Variants in NTRK2 observed in about 807,000 individuals in gnomAD.
The protein encoded by NTRK2 is neurotrophic receptor tyrosine kinase 2, also known as BDNF/NT-3 growth factors receptor.
Under a neutral mutation model 94.5 loss-of-function variants are expected in NTRK2, and 13 were observed. The ratio of observed to expected loss-of-function variants is 0.14; its 90% CI spans 0.09 to 0.22. The LOEUF is 0.22. Ranked by LOEUF, NTRK2 falls within the 10% of genes least tolerant of loss-of-function variation. NTRK2 has a pLI of 1.00. For synonymous variants in NTRK2, 372 were observed against 407.4 expected, an observed-to-expected ratio of 0.91 and a Z score of 1.05; for missense variants, 639 against 1,071.2, an observed-to-expected ratio of 0.60 and a Z score of 5.63.
Position 84,727,955 on chromosome 9 carries a change from C to T in NTRK2, c.1155C>T (p.Asp385=), listed in dbSNP as rs183322024. Residue 385 remains aspartate, a synonymous_variant, in exon 9 of 19, where the codon GAC becomes GAT. Transcript: ENST00000277120. ...SAHFMGWPGI[D]DGANPNYPDV... ...ACTTCATGGGCTGGCCTGGAATTGACGATGGTGAGTAACTGACACTTTTGT... is the reference window on the plus strand; with the variant it reads ...ACTTCATGGGCTGGCCTGGAATTGATGATGGTGAGTAACTGACACTTTTGT... The T allele has an allele frequency of 2.8e-5, 45 of 1,613,610 alleles. No individual in the cohort carries two copies. The highest frequency in any genetic ancestry group is 5.5e-5 in the South Asian group (5 of 91,054).
At position 84,816,652 on chromosome 9, in the gene NTRK2, G is replaced by A. The variant is rs553700746; in HGVS notation, c.1397-44388G>A. Among the ~76,000 whole-genome samples, 15 of 151,706 alleles carry A rather than the reference G, an allele frequency of 9.9e-5. No individual in the cohort carries two copies. The South Asian group carries it at 1.0e-3, about 11-fold the overall frequency. The stretch of plus-strand genomic sequence containing the variant: ...AAATTAGCTGGGCGTGGTGGCGGGC[G>A]CCTGTAATCTCACCTATTCAGGAGG... On this transcript the variant is annotated intron_variant, in intron 12 of 18. Transcript: ENST00000277120.
chr9:84,698,338 G>C (rs573914457), intron 2 of NTRK2, among the ~76,000 whole-genome samples: 1 of 151,742 alleles, frequency 6.6e-6, no homozygotes, highest in African/African-American at 2.4e-5. Context: ...TTCTCACTTC[G>C]CATAGCAGTG....
intron 12 of NTRK2, among the ~76,000 whole-genome samples, chr9:84,839,419 G>A (rs1380373161): frequency 6.6e-6 from 1 of 152,156 alleles, no homozygotes; most frequent in Admixed American, 6.5e-5. Context: ...ATGTGGACTG[G>A]ATAGAAATGA....
chr9:84,698,133 A>ATG (rs202149031), intron 2 of NTRK2, among the ~76,000 whole-genome samples: 2,758 of 150,014 alleles, frequency 0.018, 49 homozygotes, highest in East Asian at 0.053. Flanking sequence ...GTTTCTGTGT[A>ATG]TGTGTGTGTG....
chr9:84,772,318 G>A (rs1339710256), intron 12 of NTRK2, among the ~76,000 whole-genome samples: 6 of 152,198 alleles, frequency 3.9e-5, no homozygotes, highest in Admixed American at 3.3e-4. Context: ...GCAGTGGCAG[G>A]ATCCCAGCTG....
rs200998907 is a variant in NTRK2, at chr9:84,813,465, G to C, written c.1397-47575G>C. The C allele has an allele frequency of 1.2e-5, 13 of 1,064,572 alleles. No homozygotes were observed. The East Asian group carries it at 5.5e-4, about 45-fold the overall frequency. 65.9% of individuals were successfully genotyped at this position (1,064,572 alleles called of 1,614,324 possible). ...TAAAACATGATCATTGTTCTCTCAC[G>C]GTATCCTTCTGTCTTCCCGTTGCAA... On this transcript the variant is annotated intron_variant, in intron 12 of 18. Transcript: ENST00000277120.
intron 6 of NTRK2, among the ~76,000 whole-genome samples, chr9:84,713,635 T>G (rs1218246533): frequency 6.6e-6 from 1 of 152,168 alleles, no homozygotes; most frequent in African/African-American, 2.4e-5. Flanking sequence ...GGTGGGAAAT[T>G]GGCCTGTATT....
chr9:84,691,473 A>C (rs1193655065), intron 2 of NTRK2, among the ~76,000 whole-genome samples: 1 of 152,266 alleles, frequency 6.6e-6, no homozygotes, highest in East Asian at 1.9e-4. Context: ...CATGATTTGA[A>C]GTTGTCTCCT....
At chr9:84,800,241 C>T (rs904776172) in intron 12 of NTRK2, among the ~76,000 whole-genome samples, 10 of 150,984 alleles carry the variant, frequency 6.6e-5, no homozygotes, top group East Asian at 2.0e-4. Context: ...CTCGCTCTGT[C>T]GCCCAGGCTG....
chr9:84,782,697 A>G (rs2067714185), intron 12 of NTRK2, among the ~76,000 whole-genome samples: 1 of 152,170 alleles, frequency 6.6e-6, no homozygotes, highest in African/African-American at 2.4e-5. Flanking sequence ...CATATCACCA[A>G]GTGCCACATT....
chr9:84,955,664 G>A, intron 17 of NTRK2, 147 bp downstream of exon 17: 2 of 762,448 alleles, frequency 2.6e-6, no homozygotes, highest in South Asian at 2.9e-5. Context: ...CTGGAGGCTG[G>A]AAGTCCAAGC....
chr9:84,918,689 G>C (rs2077470095), intron 14 of NTRK2, among the ~76,000 whole-genome samples: 1 of 152,214 alleles, frequency 6.6e-6, no homozygotes, highest in Non-Finnish European at 1.5e-5. Context: ...GATTGAGAAA[G>C]CTATTTATGT....
At chr9:85,020,438 T>G (rs1832682908) in intron 18 of NTRK2, 74 bp downstream of exon 18, 2 of 1,545,372 alleles carry the variant, frequency 1.3e-6, no homozygotes, top group East Asian at 4.5e-5. Context: ...GGGCCTTGTT[T>G]TGGGTTGGAA....
Position 84,746,287 on chromosome 9 carries a change from C to T in NTRK2, c.1296+1214C>T, listed in dbSNP as rs115956645. Among the ~76,000 whole-genome samples the T allele has an allele frequency of 8.8e-3, 1,347 of 152,298 alleles. 27 individuals are homozygous for T. The highest frequency in any genetic ancestry group is 0.03 in the African/African-American group (1,255 of 41,556). ...GAACACAGTCACTTGTGTTCATTTA[C>T]GTACTGTCTGTGGCTGCTCTTGTGC... On this transcript the variant is annotated intron_variant, in intron 11 of 18. Coordinates refer to ENST00000277120, the MANE Select transcript of NTRK2 (RefSeq NM_006180.6).
At chr9:85,019,546 A>G (rs1263274679) in intron 17 of NTRK2, among the ~76,000 whole-genome samples, 5 of 152,220 alleles carry the variant, frequency 3.3e-5, no homozygotes, top group African/African-American at 4.8e-5. Context: ...TAAAATGGGC[A>G]TTTAAAAAAT....
intron 6 of NTRK2, among the ~76,000 whole-genome samples, chr9:84,711,712 G>A (rs2061428606): frequency 6.6e-6 from 1 of 152,164 alleles, no homozygotes. Flanking sequence ...GCTATTATTT[G>A]AGGTCTATTT....
chr9:84,681,892 T>C (rs1291796920), intron 2 of NTRK2, among the ~76,000 whole-genome samples: 1 of 152,198 alleles, frequency 6.6e-6, no homozygotes. Flanking sequence ...AACTATTACA[T>C]GGACCAGAAT....
At chr9:84,981,965 C>G (rs1281074635) in intron 17 of NTRK2, among the ~76,000 whole-genome samples, 1 of 152,178 alleles carries the variant, frequency 6.6e-6, no homozygotes, top group Non-Finnish European at 1.5e-5. Flanking sequence ...AAGAACTAAC[C>G]AAGGGATTTA....
rs541898176 is a variant in NTRK2, at chr9:84,765,398, G to A, written c.1396+13313G>A. 9.9e-5 allele frequency among the ~76,000 whole-genome samples: 15 copies of A among 152,284 alleles called. No individual in the cohort carries two copies. The South Asian group carries it at 3.1e-3, about 32-fold the overall frequency. ...AGTATAATGAGCCTAAATGCTTTCA[G>A]GATTCCCTTTTGCATTTTGTGGCTG... On this transcript the variant is annotated intron_variant, in intron 12 of 18. Transcript: ENST00000277120.
Sources: gnomAD v4.1 joint callset for allele counts (sites outside exome capture counted in the v4.1 genomes callset) on GRCh38, gnomAD v4.1.1 for gene constraint, MANE v1.5 for transcripts, NCBI Gene and HGNC (gene_info 2026-07-23, HGNC 2026-07-21) for gene names.